Variants in NLRP5 observed in about 807,000 individuals in gnomAD.
NLRP5 encodes NLR family pyrin domain containing 5, also known as NACHT, LRR and PYD domains-containing protein 5.
A neutral mutation model predicts 113.1 loss-of-function variants in NLRP5; 93 were observed. The observed-to-expected ratio is 0.82, with a 90% CI of 0.70 to 0.98. The LOEUF is 0.98. Ranked by LOEUF, NLRP5 falls within the 50% of genes least tolerant of loss-of-function variation. The pLI is 0.00. For missense variants in NLRP5, 1,808 were observed against 1,514.3 expected (o/e 1.19, Z -3.22); for synonymous variants, 751 against 600.7 (o/e 1.25, Z -3.66).
Position 56,032,720 on chromosome 19 carries a change from C to A in NLRP5, c.2386C>A (p.Arg796=). ...CCTGGGCAGCAGCATCCTGACAGAG[C>A]GGGCCATGAAGACCCTGTGTGCCAA... Residue 796 remains arginine, a synonymous_variant, in exon 8 of 15, where the codon CGG becomes AGG. Coordinates refer to ENST00000390649, the MANE Select transcript of NLRP5 (RefSeq NM_153447.4). 3 of 1,613,268 alleles carry A rather than the reference C, an allele frequency of 1.9e-6. No individual in the cohort carries two copies. The South Asian group carries it at 3.3e-5, about 18-fold the overall frequency.
intron 14 of NLRP5, 91 bp downstream of exon 14, chr19:56,058,501 A>T: frequency 8.3e-7 from 1 of 1,206,598 alleles, no homozygotes; most frequent in Non-Finnish European, 1.2e-6. Flanking sequence ...GGAAAAGTTG[A>T]CGTCATACCT....
intron 13 of NLRP5, among the ~76,000 whole-genome samples, chr19:56,055,807 A>C (rs1193635050): frequency 6.6e-6 from 1 of 151,872 alleles, no homozygotes; most frequent in East Asian, 1.9e-4. Context: ...GGCCTCCCAA[A>C]GTGCTGGGAT....
At chr19:56,016,999 G>A (rs1462433856) in intron 4 of NLRP5, among the ~76,000 whole-genome samples, 3 of 152,086 alleles carry the variant, frequency 2.0e-5, no homozygotes, top group East Asian at 3.9e-4. Context: ...AGTGCAGATG[G>A]GGTTTCACCG....
At chr19:56,012,213 G>C (rs1455837537) in intron 3 of NLRP5, among the ~76,000 whole-genome samples, 1 of 151,800 alleles carries the variant, frequency 6.6e-6, no homozygotes, top group Non-Finnish European at 1.5e-5. Context: ...CAGTGGTGCA[G>C]TCTGGGCTCA....
chr19:56,025,380 G>A (rs1982798127), intron 6 of NLRP5, among the ~76,000 whole-genome samples: 1 of 135,272 alleles, frequency 7.4e-6, no homozygotes. Context: ...CAAGGAACGT[G>A]CTCCGTTCTC....
intron 9 of NLRP5, among the ~76,000 whole-genome samples, chr19:56,035,944 A>T (rs966815123): frequency 2.0e-5 from 3 of 151,762 alleles, no homozygotes; most frequent in African/African-American, 7.3e-5. Flanking sequence ...TACATGTTCC[A>T]GGGATGTGCT....
At chr19:56,045,202 C>T (rs745527759) in intron 11 of NLRP5, among the ~76,000 whole-genome samples, 1 of 152,132 alleles carries the variant, frequency 6.6e-6, no homozygotes, top group Non-Finnish European at 1.5e-5. Context: ...TTATCTTTCT[C>T]TCGTCTGATT....
At chr19:56,025,359 C>G (rs879788358) in intron 6 of NLRP5, among the ~76,000 whole-genome samples, 2 of 147,482 alleles carry the variant, frequency 1.4e-5, no homozygotes, top group African/African-American at 4.9e-5. Context: ...CAGGCGGGAT[C>G]TGTTTGACCT....
At chr19:56,006,039 A>G (rs1262121768) in intron 2 of NLRP5, among the ~76,000 whole-genome samples, 1 of 152,214 alleles carries the variant, frequency 6.6e-6, no homozygotes, top group Non-Finnish European at 1.5e-5. Flanking sequence ...AGAGATTTGC[A>G]GTTTTCCATG....
chr19:56,035,483 GCAC>G (rs1253456564), intron 9 of NLRP5, among the ~76,000 whole-genome samples: 1 of 152,190 alleles, frequency 6.6e-6, no homozygotes, highest in South Asian at 2.1e-4. Context: ...CTCACTGTCT[GCAC>G]CACAAGTGCA....
chr19:56,027,297 A>G lies in NLRP5; in HGVS notation c.1064A>G (p.Glu355Gly). ...GTGACGGAGATCATGTCCCGACCAG[A>G]AAGGCTGTTGTTCATCATTGACGGT... The change falls in exon 7 of 15, where the codon GAA (glutamate) becomes GGA (glycine). Residue 355 changes from glutamate (E) to glycine (G), a missense_variant. Transcript: ENST00000390649. 4.3e-6 allele frequency: 7 copies of G among 1,612,156 alleles called. No homozygotes were observed. The highest frequency in any genetic ancestry group is 5.9e-6 in the Non-Finnish European group (7 of 1,179,888).
intron 4 of NLRP5, among the ~76,000 whole-genome samples, chr19:56,016,647 C>T (rs1342902862): frequency 6.6e-6 from 1 of 152,140 alleles, no homozygotes; most frequent in Admixed American, 6.6e-5. Context: ...ACTGTTCTAC[C>T]CTCCAATTCT....
chr19:56,059,681 C>A (rs571466273), intron 14 of NLRP5, among the ~76,000 whole-genome samples: 1 of 152,108 alleles, frequency 6.6e-6, no homozygotes, highest in East Asian at 1.9e-4. Context: ...ATTATAGGTA[C>A]GTGCCACCAC....
intron 12 of NLRP5, among the ~76,000 whole-genome samples, chr19:56,051,570 A>AC (rs5828669): frequency 3.0e-4 from 46 of 151,728 alleles, no homozygotes; most frequent in African/African-American, 8.7e-4. Flanking sequence ...TAGTCTCACC[A>AC]CCCCCCCATC....
At chr19:56,013,807 A>G (rs1982304150) in intron 3 of NLRP5, among the ~76,000 whole-genome samples, 1 of 151,904 alleles carries the variant, frequency 6.6e-6, no homozygotes, top group African/African-American at 2.4e-5. Flanking sequence ...CCAACACCTT[A>G]ATGAAAGCTA....
In NLRP5 at chr19:56,028,519, C is replaced by G; in HGVS notation, c.2276+10C>G. 6.2e-7 allele frequency: 1 copy of G among 1,608,738 alleles called. No homozygotes were observed. Among genetic ancestry groups the G allele is most frequent in the Non-Finnish European group, 8.5e-7 (1 of 1,177,340 alleles). ...CTGTGGTCCCTCTATGGTGAGTACC[C>G]CAGGCAGTTTTATCCTATGCCGTGT... On this transcript the variant is annotated intron_variant, in intron 7 of 14. Transcript: ENST00000390649.
In NLRP5 at chr19:56,028,237, G is replaced by T; in HGVS notation, c.2004G>T (p.Trp668Cys). Residue 668 changes from tryptophan to cysteine, a missense_variant, in exon 7 of 15, where the codon TGG becomes TGT. By Grantham distance (215) the Trp-to-Cys change is radical. Transcript: ENST00000390649. ...GGGTGAAGCAGAAGCTTCTGCACTG[G>T]GTCTCTCTGTTGGGTCAGCAGCCTA... The T allele has an allele frequency of 6.2e-7, 1 of 1,613,824 alleles. No individual in the cohort carries two copies. The highest frequency in any genetic ancestry group is 1.7e-5 in the Admixed American group (1 of 60,006).
rs371177066 is a variant in NLRP5, at chr19:56,018,937, G to A, written c.566-405G>A. Among the ~76,000 whole-genome samples, 62 of 152,198 alleles carry A rather than the reference G, an allele frequency of 4.1e-4. No individual in the cohort carries two copies. The South Asian group carries it at 0.012, about 30-fold the overall frequency. ...GCCTCCTGAGTAGCTGGGATTACAG[G>A]CACGTGCCACCATCCCTGGCTAACT... On this transcript the variant is annotated intron_variant, in intron 4 of 14. Coordinates refer to ENST00000390649, the MANE Select transcript of NLRP5 (RefSeq NM_153447.4).
chr19:56,032,910 A>G (rs1983177772), intron 8 of NLRP5, 129 bp downstream of exon 8: 6 of 909,654 alleles, frequency 6.6e-6, no homozygotes, highest in East Asian at 2.5e-5. Context: ...CCAAAGGTGT[A>G]GGAACCAAGT....
Sources: gnomAD v4.1 joint callset for allele counts (sites outside exome capture counted in the v4.1 genomes callset) on GRCh38, gnomAD v4.1.1 for gene constraint, MANE v1.5 for transcripts, NCBI Gene and HGNC (gene_info 2026-07-23, HGNC 2026-07-21) for gene names.